MAML3: variants seen among roughly 807,000 people sequenced by gnomAD.
MAML3 encodes mastermind like transcriptional coactivator 3, also known as mastermind-like protein 3.
MAML3 carries 27 observed loss-of-function variants against 101.9 expected under a neutral mutation model. The observed-to-expected ratio is 0.27, with a 90% CI of 0.20 to 0.37. The LOEUF (loss-of-function observed/expected upper bound fraction) is 0.37. MAML3 is among the 10% of genes least tolerant of loss of function. The pLI, the probability that MAML3 is intolerant of heterozygous loss-of-function variation, is 1.00. For synonymous variants in MAML3, 501 were observed against 555.9 expected (o/e 0.90, Z 1.39); for missense variants, 1,316 against 1,444.9 (o/e 0.91, Z 1.45).
intron 1 of MAML3, among the ~76,000 whole-genome samples, chr4:140,093,120 T>C (rs1728090971): frequency 6.6e-6 from 1 of 152,212 alleles, no homozygotes. Flanking sequence ...CATCTATAAC[T>C]TGGCCCCAAA....
At chr4:139,962,014 G>T (rs904217584) in intron 1 of MAML3, among the ~76,000 whole-genome samples, 6 of 152,132 alleles carry the variant, frequency 3.9e-5, no homozygotes, top group Non-Finnish European at 8.8e-5. Flanking sequence ...TACTTGAGAG[G>T]CTGGAGGCTC....
At chr4:139,775,550 G>A (rs1253632275) in intron 2 of MAML3, among the ~76,000 whole-genome samples, 2 of 152,086 alleles carry the variant, frequency 1.3e-5, no homozygotes, top group Non-Finnish European at 2.9e-5. Flanking sequence ...GATGAGGAAC[G>A]AAACTGGAGT....
intron 2 of MAML3, among the ~76,000 whole-genome samples, chr4:139,837,686 G>A (rs1229393830): frequency 2.0e-5 from 3 of 152,136 alleles, no homozygotes; most frequent in Non-Finnish European, 2.9e-5. Context: ...GTGGGAGGCC[G>A]AGGCAGGCGG....
chr4:139,879,323 C>T (rs562620422), intron 2 of MAML3, among the ~76,000 whole-genome samples: 2 of 151,596 alleles, frequency 1.3e-5, no homozygotes, highest in South Asian at 2.1e-4. Context: ...GTCAGGAGTT[C>T]GAGACCAGCC....
At chr4:140,109,528 T>C (rs1728406291) in intron 1 of MAML3, among the ~76,000 whole-genome samples, 1 of 152,216 alleles carries the variant, frequency 6.6e-6, no homozygotes. Context: ...AAAGGCATCG[T>C]GTTAACCATG....
chr4:140,153,337 C>G lies in MAML3; in HGVS notation c.-10G>C. 6.4e-7 allele frequency: 1 copy of G among 1,567,590 alleles called. No individual in the cohort carries two copies. Among genetic ancestry groups the G allele is most frequent in the Non-Finnish European group, 8.6e-7 (1 of 1,157,544 alleles). The stretch of plus-strand genomic sequence containing the variant: ...CTGCGAAATCCCCCATCCTGCTCCC[C>G]GGGCACACTATTTTGGAAGAACTTT... On this transcript the variant is annotated 5_prime_UTR_variant, in exon 1 of 5. Coordinates refer to ENST00000509479, the MANE Select transcript of MAML3 (RefSeq NM_018717.5).
At chr4:140,067,008 C>G (rs1727547472) in intron 1 of MAML3, among the ~76,000 whole-genome samples, 1 of 152,212 alleles carries the variant, frequency 6.6e-6, no homozygotes, top group African/African-American at 2.4e-5. Context: ...AGCATGACTT[C>G]TACGAGCAAC....
intron 2 of MAML3, among the ~76,000 whole-genome samples, chr4:139,756,250 T>A (rs1442883447): frequency 6.6e-6 from 1 of 152,224 alleles, no homozygotes; most frequent in Non-Finnish European, 1.5e-5. Context: ...ATGAAAATGT[T>A]GATGATTTTG....
intron 2 of MAML3, among the ~76,000 whole-genome samples, chr4:139,817,455 G>A (rs1348909193): frequency 6.6e-6 from 1 of 152,126 alleles, no homozygotes; most frequent in Admixed American, 6.5e-5. Context: ...TGGGACCACT[G>A]TCGTCAATCT....
intron 1 of MAML3, among the ~76,000 whole-genome samples, chr4:139,999,030 A>G (rs181217249): frequency 6.6e-6 from 1 of 152,290 alleles, no homozygotes; most frequent in African/African-American, 2.4e-5. Flanking sequence ...TTTCAAGTAG[A>G]TATCAGCCTA....
rs368411036 is a variant in MAML3 at position 139,772,916 on chromosome 4, T to TAA, written c.2080-42251_2080-42250dup. Among the ~76,000 whole-genome samples the TAA allele has an allele frequency of 6.6e-3, 913 of 139,324 alleles. 8 individuals carry two copies. Among genetic ancestry groups the TAA allele is most frequent in the Middle Eastern group, 0.026 (7 of 270 alleles). The allele number at this position is 139,324 out of a possible 152,430, so 91.4% of individuals were successfully genotyped here. A position where few individuals can be genotyped will look rare whatever the true frequency, so the allele number is the denominator to read the frequency against. ...AAGATGGTGAAACCCCATCTCTACT[T>TAA]AAAAAAAAAAAAAAGAATAAAGTAT... On this transcript the variant is annotated intron_variant, in intron 2 of 4. Transcript: ENST00000509479.
At chr4:139,849,428 G>A (rs1731509545) in intron 2 of MAML3, among the ~76,000 whole-genome samples, 1 of 152,210 alleles carries the variant, frequency 6.6e-6, no homozygotes, top group Non-Finnish European at 1.5e-5. Context: ...CAGACGCTGT[G>A]TCTACAAGAA....
chr4:139,733,126 A>C (rs1040030550), intron 2 of MAML3, among the ~76,000 whole-genome samples: 1 of 152,256 alleles, frequency 6.6e-6, no homozygotes, highest in African/African-American at 2.4e-5. Context: ...CTTTAGGGAC[A>C]AATGGCTGAT....
intron 2 of MAML3, among the ~76,000 whole-genome samples, chr4:139,747,202 C>G (rs775923445): frequency 7.9e-5 from 12 of 152,258 alleles, no homozygotes; most frequent in Non-Finnish European, 1.2e-4. Flanking sequence ...ACCCTTAAAG[C>G]TTATACCAAA....
chr4:140,114,196 T>C (rs1233617582), intron 1 of MAML3, among the ~76,000 whole-genome samples: 2 of 152,224 alleles, frequency 1.3e-5, no homozygotes, highest in African/African-American at 4.8e-5. Context: ...AATAAAATCA[T>C]TCCAACTTCT....
At chr4:140,106,478 C>T (rs1325102436) in intron 1 of MAML3, among the ~76,000 whole-genome samples, 1 of 152,186 alleles carries the variant, frequency 6.6e-6, no homozygotes, top group African/African-American at 2.4e-5. Context: ...TGTGTGTGCA[C>T]ACCCACGGAG....
intron 1 of MAML3, among the ~76,000 whole-genome samples, chr4:139,982,409 G>A (rs1480788134): frequency 6.6e-6 from 1 of 152,004 alleles, no homozygotes; most frequent in East Asian, 1.9e-4. Context: ...CCTACAATCA[G>A]CCACTTCCTT....
Position 139,988,020 on chromosome 4 carries a change from CAAAAAAAAAAA to C in MAML3, c.469-97064_469-97054del, listed in dbSNP as rs71593735. On this transcript the variant is annotated intron_variant, in intron 1 of 4. Transcript: ENST00000509479. ...CTGGCAACACAGCAAAACTCCGTCTCAAAAAAAAAAAAAAAAAAAAAAGGAAGAAAGAAGAA... is the reference window on the plus strand; with the variant it reads ...CTGGCAACACAGCAAAACTCCGTCTCAAAAAAAAAAAGGAAGAAAGAAGAA... Among the ~76,000 whole-genome samples the C allele has an allele frequency of 9.5e-5, 3 of 31,440 alleles. No individual in the cohort carries two copies. The South Asian group carries it at 5.5e-3, about 57-fold the overall frequency. 20.6% of individuals were successfully genotyped at this position (31,440 alleles called of 152,430 possible).
chr4:140,038,930 G>A (rs1331933740), intron 1 of MAML3, among the ~76,000 whole-genome samples: 1 of 151,992 alleles, frequency 6.6e-6, no homozygotes, highest in Non-Finnish European at 1.5e-5. Context: ...GGAGATCCGA[G>A]ACCATCCTGG....
Sources: allele counts gnomAD v4.1 joint callset (sites outside exome capture counted in the v4.1 genomes callset), GRCh38; gene constraint gnomAD v4.1.1; transcripts MANE v1.5; gene names NCBI Gene and HGNC (gene_info 2026-07-23, HGNC 2026-07-21).